ZNF804A: variants seen among roughly 807,000 people sequenced by gnomAD.
The protein encoded by ZNF804A is zinc finger protein 804A.
A neutral mutation model predicts 16.5 loss-of-function variants in ZNF804A; 2 were observed. The observed-to-expected ratio is 0.12, with a 90% CI of 0.05 to 0.38. ZNF804A has a LOEUF of 0.38. ZNF804A is among the 10% of genes least tolerant of loss of function. The pLI is 0.99. For synonymous variants in ZNF804A, 534 were observed against 489.6 expected (o/e 1.09, Z -1.20); for missense variants, 1,473 against 1,390.7 (o/e 1.06, Z -0.94).
chr2:184,927,800 A>G (rs1185070340), intron 2 of ZNF804A, among the ~76,000 whole-genome samples: 5 of 152,128 alleles, frequency 3.3e-5, no homozygotes, highest in African/African-American at 1.2e-4. Flanking sequence ...GGCAACTGCT[A>G]TTTCCTTAAG....
chr2:184,885,621 G>A (rs1007886189), intron 2 of ZNF804A, among the ~76,000 whole-genome samples: 26 of 152,114 alleles, frequency 1.7e-4, no homozygotes. Context: ...AAGAAAAAGA[G>A]GTTTATTTGG....
At chr2:184,774,090 C>A (rs1323302329) in intron 1 of ZNF804A, among the ~76,000 whole-genome samples, 1 of 151,740 alleles carries the variant, frequency 6.6e-6, no homozygotes, top group Non-Finnish European at 1.5e-5. Context: ...AAAATCTTGC[C>A]TTTTTTAGGT....
At chr2:184,718,516 A>G (rs1018510978) in intron 1 of ZNF804A, among the ~76,000 whole-genome samples, 1 of 152,326 alleles carries the variant, frequency 6.6e-6, no homozygotes, top group Non-Finnish European at 1.5e-5. Context: ...CTATGAAATA[A>G]AAAGCAAGTT....
At chr2:184,782,512 C>G (rs956751251) in intron 1 of ZNF804A, among the ~76,000 whole-genome samples, 11 of 151,490 alleles carry the variant, frequency 7.3e-5, no homozygotes, top group Admixed American at 5.9e-4. Context: ...ACATGTTTCT[C>G]TCATGCTGGA....
intron 2 of ZNF804A, among the ~76,000 whole-genome samples, chr2:184,897,479 C>T (rs954771601): frequency 2.0e-5 from 3 of 148,234 alleles, no homozygotes; most frequent in African/African-American, 7.5e-5. Flanking sequence ...ATTTTTTTTC[C>T]TGTTTCCATA....
At chr2:184,766,835 AT>A (rs1694136925) in intron 1 of ZNF804A, among the ~76,000 whole-genome samples, 6 of 152,232 alleles carry the variant, frequency 3.9e-5, no homozygotes, top group African/African-American at 1.4e-4. Context: ...ACTGTGTCCC[AT>A]GCAAAATTTG....
chr2:184,645,739 A>G (rs1478982384), intron 1 of ZNF804A, among the ~76,000 whole-genome samples: 2 of 152,242 alleles, frequency 1.3e-5, no homozygotes, highest in Non-Finnish European at 2.9e-5. Context: ...AAATAGCAAG[A>G]TAGTACATAA....
intron 2 of ZNF804A, among the ~76,000 whole-genome samples, chr2:184,882,288 A>C (rs182835497): frequency 2.6e-5 from 4 of 152,240 alleles, no homozygotes; most frequent in Admixed American, 2.0e-4. Flanking sequence ...ACACGGGAGC[A>C]CCCAGATTCA....
chr2:184,908,392 C>T (rs970723052), intron 2 of ZNF804A, among the ~76,000 whole-genome samples: 11 of 152,228 alleles, frequency 7.2e-5, no homozygotes, highest in Middle Eastern at 3.4e-3. Context: ...TATAAGGACC[C>T]TTTGATTGAT....
intron 1 of ZNF804A, among the ~76,000 whole-genome samples, chr2:184,844,183 C>A (rs1008754698): frequency 5.5e-4 from 83 of 151,664 alleles, no homozygotes; most frequent in Middle Eastern, 3.4e-3. Context: ...TACCCCCCCC[C>A]ATTTCTTCTT....
chr2:184,727,616 A>T (rs1693434761), intron 1 of ZNF804A, among the ~76,000 whole-genome samples: 1 of 151,670 alleles, frequency 6.6e-6, no homozygotes, highest in Non-Finnish European at 1.5e-5. Context: ...ATCTAAGATG[A>T]TAATATCCCA....
chr2:184,793,800 T>G, intron 1 of ZNF804A, among the ~76,000 whole-genome samples: 1 of 152,238 alleles, frequency 6.6e-6, no homozygotes. Flanking sequence ...GAGCTCCCAC[T>G]TATGAGTGAG....
intron 1 of ZNF804A, among the ~76,000 whole-genome samples, chr2:184,700,623 G>A (rs1472722630): frequency 1.3e-5 from 2 of 151,998 alleles, no homozygotes; most frequent in Admixed American, 1.3e-4. Context: ...AACCTTGAAT[G>A]ACAAAGACAA....
intron 1 of ZNF804A, among the ~76,000 whole-genome samples, chr2:184,838,740 TA>T (rs1695392204): frequency 6.6e-6 from 1 of 151,972 alleles, no homozygotes; most frequent in Admixed American, 6.6e-5. Context: ...TGTATAGCCA[TA>T]ACAGAAAAGG....
intron 1 of ZNF804A, among the ~76,000 whole-genome samples, chr2:184,635,659 T>C (rs1277935177): frequency 2.6e-5 from 4 of 152,170 alleles, no homozygotes; most frequent in Non-Finnish European, 1.5e-5. Flanking sequence ...TTTAATACTT[T>C]ATATATCCTG....
chr2:184,856,502 C>T (rs1695689767), intron 1 of ZNF804A, among the ~76,000 whole-genome samples: 1 of 152,132 alleles, frequency 6.6e-6, no homozygotes, highest in Middle Eastern at 3.4e-3. Flanking sequence ...ACCCTGAACA[C>T]ATTATTTTTT....
At chr2:184,694,461 T>C (rs1368232157) in intron 1 of ZNF804A, among the ~76,000 whole-genome samples, 1 of 152,196 alleles carries the variant, frequency 6.6e-6, no homozygotes, top group Non-Finnish European at 1.5e-5. Context: ...ATACTTTTGG[T>C]ATATAACATA....
intron 2 of ZNF804A, among the ~76,000 whole-genome samples, chr2:184,915,841 A>G (rs1318704893): frequency 6.6e-6 from 1 of 152,154 alleles, no homozygotes; most frequent in East Asian, 1.9e-4. Flanking sequence ...CAAATGATAC[A>G]CATTCATGGT....
At chr2:184,907,936 A>C (rs562010688) in intron 2 of ZNF804A, among the ~76,000 whole-genome samples, 13 of 152,282 alleles carry the variant, frequency 8.5e-5, no homozygotes, top group Admixed American at 4.6e-4. Flanking sequence ...ATATTTGTTA[A>C]TGAATCCTAG....
Sources: allele counts gnomAD v4.1 joint callset (sites outside exome capture counted in the v4.1 genomes callset), GRCh38; gene constraint gnomAD v4.1.1; transcripts MANE v1.5; gene names NCBI Gene and HGNC (gene_info 2026-07-23, HGNC 2026-07-21).